The following VPS13B variants were observed in gnomAD, a reference collection of about 807,000 sequenced individuals.
The protein encoded by VPS13B is intermembrane lipid transfer protein VPS13B.
In VPS13B, 285 loss-of-function variants were observed where a neutral mutation model predicts 426.4. The ratio of observed to expected loss-of-function variants is 0.67; its 90% confidence interval spans 0.61 to 0.74. The LOEUF (loss-of-function observed/expected upper bound fraction) is 0.74. Among genes scored for constraint, VPS13B ranks in the 30% least tolerant of loss-of-function variants. The probability of loss-of-function intolerance (pLI) is 0.00; values close to 1 mark genes in which losing one functional copy is unlikely to be tolerated. For synonymous variants in VPS13B, 1,676 were observed against 1,676.4 expected, an observed-to-expected ratio of 1.00 and a Z score of 0.01; for missense variants, 4,537 against 4,782.6, an observed-to-expected ratio of 0.95 and a Z score of 1.51.
At chr8:99,285,443 A>G (rs1248868828) in intron 19 of VPS13B, among the ~76,000 whole-genome samples, 1 of 152,162 alleles carries the variant, frequency 6.6e-6, no homozygotes. Context: ...TAGTAGCTTC[A>G]TTAGTAAGTA....
At chr8:99,335,527 G>C (rs987516561) in intron 19 of VPS13B, among the ~76,000 whole-genome samples, 2 of 152,074 alleles carry the variant, frequency 1.3e-5, no homozygotes, top group African/African-American at 4.8e-5. Context: ...AATTAGGCAG[G>C]AGAAGGAAAT....
intron 54 of VPS13B, among the ~76,000 whole-genome samples, chr8:99,847,748 C>A (rs1353084757): frequency 6.6e-6 from 1 of 152,158 alleles, no homozygotes; most frequent in African/African-American, 2.4e-5. Flanking sequence ...AGAAAGAAGA[C>A]CAGTGACCTT....
chr8:99,820,030 A>G lies in VPS13B; in HGVS notation c.8902A>G (p.Asn2968Asp). The G allele has an allele frequency of 1.9e-6, 3 of 1,614,050 alleles. No homozygotes were observed. Among genetic ancestry groups the G allele is most frequent in the Non-Finnish European group, 2.5e-6 (3 of 1,179,916 alleles). ...ACTTCTGCCCTGGGCCCTGCTTATC[A>G]ATGAATCCAAATGGGACCTCTGGCT... is the stretch of plus-strand genomic sequence containing the variant. ...IELLPWALLI[N>D]ESKWDLWLFE... Residue 2968 changes from asparagine (N) to aspartate (D), a missense_variant, in exon 49 of 62, where the codon AAT becomes GAT. Coordinates refer to ENST00000357162, the MANE Select transcript of VPS13B (RefSeq NM_152564.5).
intron 3 of VPS13B, among the ~76,000 whole-genome samples, chr8:99,067,354 G>A (rs1458539309): frequency 6.6e-6 from 1 of 152,146 alleles, no homozygotes; most frequent in Non-Finnish European, 1.5e-5. Flanking sequence ...GGACATGGAT[G>A]CAGCTGGAAA....
chr8:99,511,080 T>C (rs757680061), intron 28 of VPS13B, 24 bp from the exon 29 acceptor site: 5 of 1,609,824 alleles, frequency 3.1e-6, no homozygotes, highest in Non-Finnish European at 4.2e-6. Flanking sequence ...AACTGTGTAT[T>C]GTGATTTCCT....
chr8:99,038,335 A>C (rs966799327), intron 2 of VPS13B, 88 bp from the exon 3 acceptor site: 3 of 1,125,880 alleles, frequency 2.7e-6, no homozygotes, highest in Non-Finnish European at 3.7e-6. Flanking sequence ...TTGTGTTGGA[A>C]ATTTTATTTT....
At chr8:99,541,596 G>A (rs1233548917) in intron 30 of VPS13B, among the ~76,000 whole-genome samples, 2 of 152,090 alleles carry the variant, frequency 1.3e-5, no homozygotes, top group Non-Finnish European at 2.9e-5. Context: ...ACAAGGCATA[G>A]CACATTTATT....
chr8:99,624,821 T>C (rs1449951160), intron 33 of VPS13B, among the ~76,000 whole-genome samples: 2 of 151,788 alleles, frequency 1.3e-5, no homozygotes, highest in African/African-American at 4.8e-5. Flanking sequence ...TTTTTTTTTT[T>C]TTTCCCCCTT....
chr8:99,165,358 T>C (rs767967861), intron 15 of VPS13B, among the ~76,000 whole-genome samples: 8 of 152,232 alleles, frequency 5.3e-5, no homozygotes, highest in Non-Finnish European at 1.2e-4. Context: ...GACACTTGCT[T>C]ATGGCTTACC....
intron 19 of VPS13B, among the ~76,000 whole-genome samples, chr8:99,328,998 C>T (rs1205389487): frequency 1.3e-5 from 2 of 152,128 alleles, no homozygotes; most frequent in African/African-American, 2.4e-5. Context: ...TGCTCATCTA[C>T]TAAGACCTAC....
chr8:99,147,026 A>T (rs1010339448), intron 13 of VPS13B, among the ~76,000 whole-genome samples: 6 of 152,216 alleles, frequency 3.9e-5, no homozygotes, highest in African/African-American at 1.4e-4. Flanking sequence ...TGCCATATAT[A>T]CATGGTCAGA....
chr8:99,338,463 T>A (rs181359729), intron 19 of VPS13B, among the ~76,000 whole-genome samples: 110 of 152,164 alleles, frequency 7.2e-4, no homozygotes, highest in Non-Finnish European at 1.2e-3. Flanking sequence ...TAAGGATATA[T>A]TTATATTTCA....
At chr8:99,115,035 G>A (rs1847580943) in intron 6 of VPS13B, among the ~76,000 whole-genome samples, 1 of 151,998 alleles carries the variant, frequency 6.6e-6, no homozygotes, top group African/African-American at 2.4e-5. Context: ...TTTATCAGTT[G>A]AATAAGTTTT....
At chr8:99,766,999 A>G in intron 40 of VPS13B, 29 bp downstream of exon 40, 1 of 1,604,508 alleles carries the variant, frequency 6.2e-7, no homozygotes, top group Non-Finnish European at 8.5e-7. Context: ...ATATGGTAGC[A>G]TTACACTGGG....
chr8:99,436,571 T>A (rs948640004), intron 22 of VPS13B, among the ~76,000 whole-genome samples: 1 of 152,200 alleles, frequency 6.6e-6, no homozygotes, highest in Non-Finnish European at 1.5e-5. Flanking sequence ...ATCTTATATA[T>A]GACCTAGGTA....
At chr8:99,298,313 A>AC (rs1256323520) in intron 19 of VPS13B, among the ~76,000 whole-genome samples, 1 of 151,784 alleles carries the variant, frequency 6.6e-6, no homozygotes, top group African/African-American at 2.4e-5. Flanking sequence ...ATATGGAGAA[A>AC]CCCCGTCTCT....
In VPS13B at chr8:99,081,430, C is replaced by CT. The variant is rs529422214; in HGVS notation, c.292-14875dup. ...GGAAATCTAAAAGCTTCAAAGATTA[C>CT]TTTTTTTATTATACTTTAAGTTTTA... On this transcript the variant is annotated intron_variant, in intron 3 of 61. Transcript: ENST00000357162. Among the ~76,000 whole-genome samples, 753 of 152,156 alleles carry CT rather than the reference C, an allele frequency of 4.9e-3. 6 individuals are homozygous for CT. The highest frequency in any genetic ancestry group is 0.017 in the African/African-American group (703 of 41,512).
rs75926442 is a variant in VPS13B, at chr8:99,210,475, G to T, written c.2515+17418G>T. On this transcript the variant is annotated intron_variant, in intron 17 of 61. Transcript: ENST00000357162. ...ATATCGGGTCATTTTTGTAGTGTTT[G>T]TATGTGAATACATTTATAGTCTCAC... Among the ~76,000 whole-genome samples the T allele has an allele frequency of 9.9e-5, 15 of 152,174 alleles. No individual in the cohort carries two copies. The East Asian group carries it at 2.9e-3, about 29-fold the overall frequency.
At chr8:99,658,703 A>G (rs1017616038) in intron 34 of VPS13B, among the ~76,000 whole-genome samples, 1 of 152,234 alleles carries the variant, frequency 6.6e-6, no homozygotes, top group Non-Finnish European at 1.5e-5. Context: ...AAAATCAGTT[A>G]TGTATTATAA....
Sources: allele counts gnomAD v4.1 joint callset (sites outside exome capture counted in the v4.1 genomes callset), GRCh38; gene constraint gnomAD v4.1.1; transcripts MANE v1.5; gene names NCBI Gene and HGNC (gene_info 2026-07-23, HGNC 2026-07-21).